AGBL4: variants seen among roughly 807,000 people sequenced by gnomAD.
AGBL4 encodes the protein AGBL carboxypeptidase 4, also known as cytosolic carboxypeptidase 6.
A neutral mutation model predicts 66.4 loss-of-function variants in AGBL4; 58 were observed. That is an observed-to-expected ratio of 0.87 (90% confidence interval 0.71 to 1.09). The LOEUF (loss-of-function observed/expected upper bound fraction) is 1.09. AGBL4 is among the 50% of genes least tolerant of loss of function. The pLI is 0.00. For synonymous variants in AGBL4, 234 were observed against 222.9 expected, an observed-to-expected ratio of 1.05 and a Z score of -0.44; for missense variants, 579 against 631.0, an observed-to-expected ratio of 0.92 and a Z score of 0.88.
chr1:50,014,683 C>A (rs539300317), intron 1 of AGBL4, among the ~76,000 whole-genome samples: 2 of 151,864 alleles, frequency 1.3e-5, no homozygotes, highest in South Asian at 2.1e-4. Flanking sequence ...AGCCAACACG[C>A]CCGGCTAATT....
chr1:49,755,811 T>G, intron 2 of AGBL4, among the ~76,000 whole-genome samples: 1 of 152,232 alleles, frequency 6.6e-6, no homozygotes, highest in East Asian at 1.9e-4. Context: ...CACCTAATTG[T>G]TGCCACCAAT....
At chr1:49,992,964 G>T (rs1660078246) in intron 1 of AGBL4, among the ~76,000 whole-genome samples, 1 of 152,180 alleles carries the variant, frequency 6.6e-6, no homozygotes, top group Non-Finnish European at 1.5e-5. Context: ...AACATGAGAG[G>T]AGAAACAGCC....
intron 6 of AGBL4, among the ~76,000 whole-genome samples, chr1:48,847,248 C>T (rs555782228): frequency 3.3e-5 from 5 of 152,190 alleles, no homozygotes; most frequent in South Asian, 2.1e-4. Flanking sequence ...TGCAGGGAGC[C>T]GAGTTCACAC....
intron 4 of AGBL4, among the ~76,000 whole-genome samples, chr1:49,158,960 T>C (rs1318394701): frequency 1.4e-5 from 2 of 144,216 alleles, no homozygotes; most frequent in African/African-American, 5.2e-5. Flanking sequence ...TGTATGTCTT[T>C]GCATACGAGA....
chr1:49,970,546 A>G (rs1456751142), intron 1 of AGBL4, among the ~76,000 whole-genome samples: 3 of 152,012 alleles, frequency 2.0e-5, no homozygotes, highest in Non-Finnish European at 4.4e-5. Flanking sequence ...AACTACAAAA[A>G]TTAGCCAGGT....
chr1:49,018,110 A>C (rs556739450), intron 5 of AGBL4, among the ~76,000 whole-genome samples: 3 of 152,314 alleles, frequency 2.0e-5, no homozygotes, highest in Non-Finnish European at 4.4e-5. Context: ...ACAAGTTATT[A>C]GCTCCTACCT....
At chr1:49,675,650 G>A (rs931206282) in intron 3 of AGBL4, among the ~76,000 whole-genome samples, 10 of 152,048 alleles carry the variant, frequency 6.6e-5, no homozygotes, top group Non-Finnish European at 1.2e-4. Flanking sequence ...AAAAGGCTCA[G>A]AAAAGCCATC....
At chr1:49,899,033 A>G (rs560459678) in intron 1 of AGBL4, among the ~76,000 whole-genome samples, 1 of 152,320 alleles carries the variant, frequency 6.6e-6, no homozygotes, top group Non-Finnish European at 1.5e-5. Flanking sequence ...AAAAAATAGT[A>G]GAAGAAAGAA....
chr1:48,845,854 T>C (rs59292568), intron 6 of AGBL4, among the ~76,000 whole-genome samples: 6,303 of 152,300 alleles, frequency 0.041, 431 homozygotes, highest in African/African-American at 0.14. Context: ...ACAATTATGG[T>C]ATTTAATCAT....
chr1:48,655,543 T>C (rs1311088377), intron 7 of AGBL4, among the ~76,000 whole-genome samples: 1 of 152,218 alleles, frequency 6.6e-6, no homozygotes, highest in African/African-American at 2.4e-5. Context: ...AGTTTTCTCA[T>C]CTTGATATAG....
intron 3 of AGBL4, among the ~76,000 whole-genome samples, chr1:49,632,119 T>A (rs1351859692): frequency 6.6e-6 from 1 of 152,120 alleles, no homozygotes. Context: ...AAGAGTGTAG[T>A]AGAGAAAATG....
chr1:49,444,198 A>T (rs1466311791), intron 3 of AGBL4, among the ~76,000 whole-genome samples: 1 of 151,990 alleles, frequency 6.6e-6, no homozygotes, highest in Non-Finnish European at 1.5e-5. Context: ...ATTTTGGAGA[A>T]TGTTCCATAT....
rs374218537 is a variant in AGBL4 at position 49,817,964 on chromosome 1, A to G, written c.157+33432T>C. ...CACTTTGTGCATGTGCCATTCATTA[A>G]TCTGTGCCTGGGGTTACAGAGAAGT... On this transcript the variant is annotated intron_variant, in intron 2 of 13. Transcript: ENST00000371839. 3.3e-4 allele frequency among the ~76,000 whole-genome samples: 51 copies of G among 152,298 alleles called. 1 individual carries two copies. In the South Asian group the frequency reaches 9.5e-3, roughly 28 times the overall value.
intron 3 of AGBL4, among the ~76,000 whole-genome samples, chr1:49,290,111 C>G (rs929886273): frequency 6.6e-6 from 1 of 152,134 alleles, no homozygotes; most frequent in Non-Finnish European, 1.5e-5. Flanking sequence ...CTCAAAAACA[C>G]AATTTATTGA....
chr1:50,012,517 G>GA (rs1276575948), intron 1 of AGBL4, among the ~76,000 whole-genome samples: 1 of 151,830 alleles, frequency 6.6e-6, no homozygotes, highest in East Asian at 1.9e-4. Context: ...AAATAAATAA[G>GA]AAAAAATTTT....
chr1:48,561,037 C>T (rs532151395), intron 11 of AGBL4, among the ~76,000 whole-genome samples: 2 of 152,342 alleles, frequency 1.3e-5, no homozygotes, highest in Non-Finnish European at 1.5e-5. Flanking sequence ...TAGTCATTCC[C>T]TAATGCTCCA....
chr1:49,843,267 C>A (rs1391558765), intron 2 of AGBL4, among the ~76,000 whole-genome samples: 1 of 151,444 alleles, frequency 6.6e-6, no homozygotes, highest in Non-Finnish European at 1.5e-5. Flanking sequence ...GCTGGGACTG[C>A]AGGTGTGTGT....
Position 48,672,811 on chromosome 1 carries a change from C to G in AGBL4, c.635-9570G>C, listed in dbSNP as rs544399718. On this transcript the variant is annotated intron_variant, in intron 6 of 13. Transcript: ENST00000371839. ...AATTGGGGAGTGGAGGAGGTTGTTA[C>G]GTATTAATAACTAAGAACAATTGTT... 3.9e-5 allele frequency among the ~76,000 whole-genome samples: 6 copies of G among 152,248 alleles called. No homozygotes were observed. The South Asian group carries it at 1.2e-3, about 32-fold the overall frequency.
intron 2 of AGBL4, among the ~76,000 whole-genome samples, chr1:49,703,436 C>T (rs965811639): frequency 2.6e-5 from 4 of 151,632 alleles, no homozygotes; most frequent in African/African-American, 9.7e-5. Flanking sequence ...ACATAATTCA[C>T]CATATGGACA....
Sources: allele counts gnomAD v4.1 joint callset (sites outside exome capture counted in the v4.1 genomes callset), GRCh38; gene constraint gnomAD v4.1.1; transcripts MANE v1.5; gene names NCBI Gene and HGNC (gene_info 2026-07-23, HGNC 2026-07-21).